AGAP1: variants seen among roughly 807,000 people sequenced by gnomAD.
AGAP1 encodes the protein arf-GAP with GTPase, ANK repeat and PH domain-containing protein 1.
A neutral mutation model predicts 105.3 loss-of-function variants in AGAP1; 29 were observed. The ratio of observed to expected loss-of-function variants is 0.28; its 90% confidence interval spans 0.21 to 0.38. AGAP1 has a LOEUF of 0.38. AGAP1 is among the 10% of genes least tolerant of loss of function. The pLI, the probability that AGAP1 is intolerant of heterozygous loss-of-function variation, is 1.00. For synonymous variants in AGAP1, 509 were observed against 485.9 expected, an observed-to-expected ratio of 1.05 and a Z score of -0.63; for missense variants, 998 against 1,165.1, an observed-to-expected ratio of 0.86 and a Z score of 2.09.
At chr2:235,779,304 C>T (rs1162483780) in intron 6 of AGAP1, among the ~76,000 whole-genome samples, 1 of 152,116 alleles carries the variant, frequency 6.6e-6, no homozygotes, top group Non-Finnish European at 1.5e-5. Flanking sequence ...TCCAACCTAA[C>T]GATTTAGCTC....
At chr2:235,852,599 G>A (rs1395820073) in intron 9 of AGAP1, 1 of 1,244,082 alleles carries the variant, frequency 8.0e-7, no homozygotes, top group African/African-American at 1.5e-5. Context: ...GTAAGGGTTA[G>A]GTAATTGAGT....
chr2:235,748,516 G>A (rs1486818944), intron 5 of AGAP1, among the ~76,000 whole-genome samples: 2 of 152,180 alleles, frequency 1.3e-5, no homozygotes, highest in Non-Finnish European at 2.9e-5. Context: ...CCCTTTGACC[G>A]TATCCCTGGA....
chr2:235,590,816 G>A (rs1252257009), intron 1 of AGAP1, among the ~76,000 whole-genome samples: 1 of 147,700 alleles, frequency 6.8e-6, no homozygotes. Context: ...TACCTCCCGG[G>A]TTCATGCCAT....
chr2:236,101,417 C>T lies in AGAP1; in HGVS notation c.2115-18775C>T, dbSNP rs1231755256. ...TTCTGAATGTGTCGCCGTGTCATAG[C>T]CTGCGACCTTCTCTTTCTCAGGTTT... On this transcript the variant is annotated intron_variant, in intron 16 of 17. Transcript: ENST00000304032. This position sits in a 1 kb window ranked among gnomAD's most constrained non-coding sequence, Gnocchi z 4.9. Among the ~76,000 whole-genome samples, 1 of 152,176 alleles carries T rather than the reference C, an allele frequency of 6.6e-6. No individual in the cohort carries two copies. The highest frequency in any genetic ancestry group is 2.1e-4 in the South Asian group (1 of 4,832).
intron 6 of AGAP1, among the ~76,000 whole-genome samples, chr2:235,763,718 A>G (rs1954660139): frequency 6.6e-6 from 1 of 151,738 alleles, no homozygotes; most frequent in Non-Finnish European, 1.5e-5. Context: ...CATTTTGAAA[A>G]CCTCTATCAG....
rs1047082307 is a variant in AGAP1, at chr2:235,612,068, A to G, written c.164-97111A>G. ...CCGCAGCCTAGAGTCTCACTGGAGA[A>G]CAATCAGACATGCTTTATTTTCTAC... On this transcript the variant is annotated intron_variant, in intron 1 of 17. Coordinates refer to ENST00000304032, the MANE Select transcript of AGAP1 (RefSeq NM_001037131.3). The surrounding 1 kb of genome is among the most constrained non-coding windows in gnomAD (Gnocchi z 4.3). 2.0e-5 allele frequency among the ~76,000 whole-genome samples: 3 copies of G among 152,234 alleles called. No individual in the cohort carries two copies. The highest frequency in any genetic ancestry group is 4.4e-5 in the Non-Finnish European group (3 of 68,036).
rs1054084367 is a variant in AGAP1 at position 235,494,425 on chromosome 2, G to A, written c.-262G>A. 2.1e-5 allele frequency: 3 copies of A among 144,198 alleles called. No homozygotes were observed. Among genetic ancestry groups the A allele is most frequent in the African/African-American group, 7.4e-5 (3 of 40,274 alleles). The allele number at this position is 144,198 out of a possible 1,614,324, so 8.9% of individuals were successfully genotyped here. On this transcript the variant is annotated 5_prime_UTR_variant, in exon 1 of 18. Transcript: ENST00000304032. Reference sequence around the variant, plus strand: ...ACCCGCCGCGGCGCGCTCCATGGGGGCGCGCTCCCCCCGGGCGGCCCGCTG... The same window carrying A: ...ACCCGCCGCGGCGCGCTCCATGGGGACGCGCTCCCCCCGGGCGGCCCGCTG...
intron 1 of AGAP1, among the ~76,000 whole-genome samples, chr2:235,613,874 C>T (rs959487573): frequency 3.3e-5 from 5 of 152,302 alleles, no homozygotes; most frequent in Admixed American, 1.3e-4. Context: ...ATAGTGGCGC[C>T]GTGTGGCCCG....
chr2:235,604,274 A>T (rs1402921901), intron 1 of AGAP1, among the ~76,000 whole-genome samples: 1 of 151,922 alleles, frequency 6.6e-6, no homozygotes, highest in Non-Finnish European at 1.5e-5. Flanking sequence ...TACTCCAGGG[A>T]TTTGAGACCA....
At chr2:235,802,926 G>GTGATGGTGGTGGTGA (rs1559506046) in intron 8 of AGAP1, among the ~76,000 whole-genome samples, 26 of 130,030 alleles carry the variant, frequency 2.0e-4, no homozygotes, top group South Asian at 5.4e-4. Context: ...GGTTGTGGTT[G>GTGATGGTGGTGGTGA]TGGTTATGAT....
In AGAP1 at chr2:235,963,662, C is replaced by T. The variant is rs72989284; in HGVS notation, c.1484-4800C>T. 0.014 allele frequency among the ~76,000 whole-genome samples: 2,066 copies of T among 152,212 alleles called. 28 individuals carry two copies. The highest frequency in any genetic ancestry group is 0.02 in the Non-Finnish European group (1,387 of 68,014). ...GGTCACTCTTAGAATCTTCCAGGAG[C>T]GGATGGTGCATGTTAAGGTGGGAAG... On this transcript the variant is annotated intron_variant, in intron 12 of 17. Transcript: ENST00000304032. This position sits in a 1 kb window ranked among gnomAD's most constrained non-coding sequence, Gnocchi z 5.1.
chr2:235,856,902 G>A (rs1222332843), intron 9 of AGAP1, among the ~76,000 whole-genome samples: 1 of 152,248 alleles, frequency 6.6e-6, no homozygotes, highest in East Asian at 1.9e-4. Context: ...TGGTTCCCAC[G>A]CTGCGGTCCG....
Position 235,864,973 on chromosome 2 carries a change from G to A in AGAP1, c.1051-18372G>A, listed in dbSNP as rs1314071564. 1.3e-5 allele frequency among the ~76,000 whole-genome samples: 2 copies of A among 152,116 alleles called. No homozygotes were observed. The highest frequency in any genetic ancestry group is 2.9e-5 in the Non-Finnish European group (2 of 68,024). ...TCATCGTCAACATGGGTTTTTAAAAGGGAAGGAGAGAAACACAACAAACTT... is the reference window on the plus strand; with the variant it reads ...TCATCGTCAACATGGGTTTTTAAAAAGGAAGGAGAGAAACACAACAAACTT... On this transcript the variant is annotated intron_variant, in intron 9 of 17. Transcript: ENST00000304032. The surrounding 1 kb of genome is among the most constrained non-coding windows in gnomAD (Gnocchi z 5.0).
Position 235,716,179 on chromosome 2 carries a change from C to T in AGAP1, c.223-1378C>T, listed in dbSNP as rs1017253012. On this transcript the variant is annotated intron_variant, in intron 2 of 17. Coordinates refer to ENST00000304032, the MANE Select transcript of AGAP1 (RefSeq NM_001037131.3). The surrounding 1 kb of genome is among the most constrained non-coding windows in gnomAD (Gnocchi z 4.0). ...TGAGAGAAGGTTGGATGTGGACAGG[C>T]GCATGTTGGGACATTAGAGTGGAGG... 2.0e-5 allele frequency among the ~76,000 whole-genome samples: 3 copies of T among 152,098 alleles called. No individual in the cohort carries two copies. Among genetic ancestry groups the T allele is most frequent in the African/African-American group, 2.4e-5 (1 of 41,412 alleles).
rs1452705983 is a variant in AGAP1, at chr2:235,623,263, T to C, written c.164-85916T>C. Among the ~76,000 whole-genome samples, 1 of 152,198 alleles carries C rather than the reference T, an allele frequency of 6.6e-6. No individual in the cohort carries two copies. Among genetic ancestry groups the C allele is most frequent in the Non-Finnish European group, 1.5e-5 (1 of 68,036 alleles). Reference sequence around the variant, plus strand: ...CGTGTTCTGCAGGCTGACCTCTGCTTGTTGATCGTATTACAGCATGTTGGG... The same window carrying C: ...CGTGTTCTGCAGGCTGACCTCTGCTCGTTGATCGTATTACAGCATGTTGGG... On this transcript the variant is annotated intron_variant, in intron 1 of 17. Transcript: ENST00000304032. The surrounding 1 kb of genome is among the most constrained non-coding windows in gnomAD (Gnocchi z 4.5).
intron 2 of AGAP1, among the ~76,000 whole-genome samples, chr2:235,715,437 C>G (rs988165542): frequency 2.6e-5 from 4 of 152,092 alleles, no homozygotes; most frequent in Admixed American, 2.0e-4. Flanking sequence ...GAAGCTTTCC[C>G]AAGAGAAAGT....
intron 1 of AGAP1, among the ~76,000 whole-genome samples, chr2:235,527,553 A>AT (rs1480091096): frequency 1.3e-5 from 2 of 151,568 alleles, no homozygotes; most frequent in South Asian, 4.2e-4. Flanking sequence ...ATTTTATTTT[A>AT]TTTTTTGCGT....
chr2:236,077,874 T>C (rs1251224979), intron 16 of AGAP1, among the ~76,000 whole-genome samples: 2 of 152,216 alleles, frequency 1.3e-5, no homozygotes, highest in African/African-American at 2.4e-5. Flanking sequence ...ACTGTGCTGC[T>C]CTCCAGAAGG....
At position 235,599,293 on chromosome 2, in the gene AGAP1, T is replaced by TG. The variant is rs989192815; in HGVS notation, c.163+104451dup. On this transcript the variant is annotated intron_variant, in intron 1 of 17. Transcript: ENST00000304032. The surrounding 1 kb of genome is among the most constrained non-coding windows in gnomAD (Gnocchi z 5.3). ...GCTGCAGTACGTTTACACTGTGTGT[T>TG]GGGGGGGTGGCAGTGTGCTTTCTTC... Among the ~76,000 whole-genome samples, 10 of 152,084 alleles carry TG rather than the reference T, an allele frequency of 6.6e-5. No individual in the cohort carries two copies. The highest frequency in any genetic ancestry group is 1.7e-4 in the African/African-American group (7 of 41,494).
Sources: gnomAD v4.1 joint callset for allele counts (sites outside exome capture counted in the v4.1 genomes callset) on GRCh38, gnomAD v4.1.1 for gene constraint, Gnocchi (gnomAD v3.1) non-coding constraint, MANE v1.5 for transcripts, NCBI Gene and HGNC (gene_info 2026-07-23, HGNC 2026-07-21) for gene names.